PTPRS: variants seen among roughly 807,000 people sequenced by gnomAD.
PTPRS encodes the protein protein tyrosine phosphatase receptor type S, also known as receptor-type tyrosine-protein phosphatase S.
A neutral mutation model predicts 215.3 loss-of-function variants in PTPRS; 63 were observed. The ratio of observed to expected loss-of-function variants is 0.29; its 90% CI spans 0.24 to 0.36. PTPRS has a LOEUF of 0.36. Ranked by LOEUF, PTPRS falls within the 10% of genes least tolerant of loss-of-function variation. PTPRS has a pLI of 1.00. For missense variants in PTPRS, 2,258 were observed against 2,825.8 expected, an observed-to-expected ratio of 0.80 and a Z score of 4.56; for synonymous variants, 1,404 against 1,191.4, an observed-to-expected ratio of 1.18 and a Z score of -3.68.
rs943677041 is a variant in PTPRS, at chr19:5,293,220, C to A, written c.-94-6986G>T. The A allele has an allele frequency of 6.6e-6, 1 of 151,474 alleles. No homozygotes were observed. Among genetic ancestry groups the A allele is most frequent in the African/African-American group, 2.4e-5 (1 of 41,240 alleles). 9.4% of individuals were successfully genotyped at this position (151,474 alleles called of 1,614,324 possible). ...CAGCCGCTCCCCGCGTCCCTCGGTC[C>A]GCCCGGAGCGCGGCGCGCAGCGAAG... On this transcript the variant is annotated intron_variant, in intron 1 of 37. Transcript: ENST00000262963. This position sits in a 1 kb window ranked among gnomAD's most constrained non-coding sequence, Gnocchi z 8.4.
chr19:5,224,385 A>C (rs1434842565), intron 17 of PTPRS, among the ~76,000 whole-genome samples: 1 of 152,208 alleles, frequency 6.6e-6, no homozygotes, highest in Non-Finnish European at 1.5e-5. Flanking sequence ...CCTTCCATTA[A>C]TAAGGCAACC....
At position 5,221,010 on chromosome 19, in the gene PTPRS, C is replaced by G; in HGVS notation, c.3445G>C (p.Val1149Leu). 1 of 1,609,604 alleles carries G rather than the reference C, an allele frequency of 6.2e-7. No individual in the cohort carries two copies. Among genetic ancestry groups the G allele is most frequent in the Non-Finnish European group, 8.5e-7 (1 of 1,177,566 alleles). Reference sequence around the variant, plus strand: ...TGGGGGTGAGCATACTGGACAGGCACGGGGCTCTGGCCGTCAGGAAGATAC... The same window carrying G: ...TGGGGGTGAGCATACTGGACAGGCAGGGGGCTCTGGCCGTCAGGAAGATAC... ...MVYLPDGQSP[V>L]PVQSYFIVMV... The change falls in exon 20 of 38, where the codon GTG (valine) becomes CTG (leucine). Residue 1149 changes from valine to leucine, a missense_variant. By Grantham distance (32) the Val-to-Leu change is conservative. Coordinates refer to ENST00000262963, the MANE Select transcript of PTPRS (RefSeq NM_002850.4).
intron 1 of PTPRS, among the ~76,000 whole-genome samples, chr19:5,331,634 G>A (rs904625218): frequency 1.4e-4 from 22 of 152,166 alleles, no homozygotes; most frequent in African/African-American, 5.3e-4. Flanking sequence ...AGTGACCCCG[G>A]CTGAGAACCA....
At position 5,218,429 on chromosome 19, in the gene PTPRS, G is replaced by A; in HGVS notation, c.4039C>T (p.Gln1347Ter). The A allele has an allele frequency of 6.2e-7, 1 of 1,613,594 alleles. No homozygotes were observed. The highest frequency in any genetic ancestry group is 1.1e-5 in the South Asian group (1 of 91,056). Residue 1347 changes from glutamine to a stop codon, truncating the protein, a stop_gained, in exon 25 of 38, where the codon CAG becomes TAG. Transcript: ENST00000262963. LOFTEE classifies it high-confidence loss of function. ...DPVEMRRINF[Q>*]TPDSGLRSPL... The stretch of plus-strand genomic sequence containing the variant: ...AGGGATAAGTACATACCTGGAGTCT[G>A]GAAGTTAATGCGTCTCATTTCCACA...
intron 13 of PTPRS, among the ~76,000 whole-genome samples, chr19:5,231,841 C>T (rs2043046533): frequency 6.6e-6 from 1 of 152,152 alleles, no homozygotes; most frequent in African/African-American, 2.4e-5. Context: ...GGAGGGCTGG[C>T]CAAGAACCCT....
At chr19:5,254,218 G>C (rs1369179762) in intron 9 of PTPRS, among the ~76,000 whole-genome samples, 1 of 152,198 alleles carries the variant, frequency 6.6e-6, no homozygotes, top group Non-Finnish European at 1.5e-5. Context: ...CTCGCATGCT[G>C]GGTTAATAAG....
chr19:5,274,366 G>A (rs759677467), intron 2 of PTPRS, 22 bp from the exon 3 acceptor site: 1 of 1,592,524 alleles, frequency 6.3e-7, no homozygotes, highest in Admixed American at 1.7e-5. Flanking sequence ...GTGGAAAGAA[G>A]GGGGGGCGCT....
chr19:5,270,464 C>T (rs1385593095), intron 4 of PTPRS, among the ~76,000 whole-genome samples: 2 of 151,988 alleles, frequency 1.3e-5, no homozygotes, highest in African/African-American at 2.4e-5. Flanking sequence ...CTAAGTTTTA[C>T]ATTTTTCTTT....
chr19:5,248,853 A>G (rs1301664812), intron 9 of PTPRS, among the ~76,000 whole-genome samples: 2 of 152,092 alleles, frequency 1.3e-5, no homozygotes, highest in African/African-American at 2.4e-5. Context: ...AAATGGAGGG[A>G]ATTGGGTATC....
At chr19:5,272,495 G>A (rs956574776) in intron 4 of PTPRS, among the ~76,000 whole-genome samples, 7 of 150,604 alleles carry the variant, frequency 4.6e-5, no homozygotes, top group African/African-American at 1.7e-4. Context: ...CTACTTGGGA[G>A]GCTGAGGCAG....
At chr19:5,336,524 C>G (rs937372187) in intron 1 of PTPRS, among the ~76,000 whole-genome samples, 2 of 152,106 alleles carry the variant, frequency 1.3e-5, no homozygotes, top group Non-Finnish European at 2.9e-5. Context: ...TCCTCTGCCC[C>G]GCAAGCCACA....
At chr19:5,256,014 GTGTGGTGTCTACATGTGTTT>G in intron 9 of PTPRS, 74 bp downstream of exon 9, 1 of 1,044,856 alleles carries the variant, frequency 9.6e-7, no homozygotes, top group Non-Finnish European at 1.4e-6. Context: ...GCGTGTGTCC[GTGTGGTGTCTACATGTGTTT>G]TGTGTGTGTG....
intron 1 of PTPRS, among the ~76,000 whole-genome samples, chr19:5,315,242 T>A (rs532837625): frequency 6.6e-6 from 1 of 151,584 alleles, no homozygotes; most frequent in African/African-American, 2.4e-5. Flanking sequence ...TCCCCTCCCT[T>A]ATCAATCTCC....
chr19:5,318,956 C>T (rs1180902999), intron 1 of PTPRS, among the ~76,000 whole-genome samples: 1 of 152,188 alleles, frequency 6.6e-6, no homozygotes, highest in Non-Finnish European at 1.5e-5. Context: ...GACAGTGAGT[C>T]CCTGGAGGGC....
intron 12 of PTPRS, 40 bp from the exon 13 acceptor site, chr19:5,239,103 GAGA>G: frequency 6.9e-7 from 1 of 1,459,666 alleles, no homozygotes; most frequent in Non-Finnish European, 9.4e-7. Context: ...GGATGGGGGA[GAGA>G]GAGAGAGAGA....
intron 1 of PTPRS, among the ~76,000 whole-genome samples, chr19:5,320,657 C>T (rs572840653): frequency 6.6e-6 from 1 of 152,214 alleles, no homozygotes; most frequent in East Asian, 1.9e-4. Flanking sequence ...AACTCCTGAC[C>T]TCAGGCGATC....
At chr19:5,340,601 C>G (rs989943731) in intron 1 of PTPRS, 63 bp downstream of exon 1, 1 of 151,252 alleles carries the variant, frequency 6.6e-6, no homozygotes, top group Non-Finnish European at 1.5e-5. Flanking sequence ...CCGAGACCCC[C>G]CTTGGAGCGC....
chr19:5,210,757 C>T lies in PTPRS; in HGVS notation c.5283G>A (p.Thr1761=), dbSNP rs201047108. Residue 1761 remains threonine (T), a synonymous_variant, in exon 34 of 38, where the codon ACG becomes ACA. Coordinates refer to ENST00000262963, the MANE Select transcript of PTPRS (RefSeq NM_002850.4). The surrounding 1 kb of genome is among the most constrained non-coding windows in gnomAD (Gnocchi z 4.5). ...CCCACAGCATGCGCCAGAAGTCTTC[C>T]GTGGTCTCCGCCAGCGGCCCCTGTG... ...IATQGPLAET[T]EDFWRMLWEN... is the part of the protein sequence containing the mutation. 6.8e-6 allele frequency: 11 copies of T among 1,614,052 alleles called. No homozygotes were observed. Among genetic ancestry groups the T allele is most frequent in the South Asian group, 2.2e-5 (2 of 91,094 alleles).
chr19:5,207,385 T>G (rs1465367655), intron 37 of PTPRS, among the ~76,000 whole-genome samples: 2 of 152,192 alleles, frequency 1.3e-5, no homozygotes, highest in African/African-American at 4.8e-5. Flanking sequence ...ACACCCAGCC[T>G]CATTTCTATT....
Sources: allele counts gnomAD v4.1 joint callset (sites outside exome capture counted in the v4.1 genomes callset), GRCh38; gene constraint gnomAD v4.1.1; non-coding constraint Gnocchi (gnomAD v3.1); transcripts MANE v1.5; gene names NCBI Gene and HGNC (gene_info 2026-07-23, HGNC 2026-07-21).